The following FBXO9 variants were observed in gnomAD, a reference collection of about 807,000 sequenced individuals.
FBXO9 encodes the protein F-box protein 9.
FBXO9 carries 43 observed loss-of-function variants against 63.7 expected under a neutral mutation model. That is an observed-to-expected ratio of 0.67 (90% CI 0.53 to 0.87). The LOEUF (loss-of-function observed/expected upper bound fraction) is 0.87, where lower values mean the gene tolerates loss of function less well. Ranked by LOEUF, FBXO9 falls within the 40% of genes least tolerant of loss-of-function variation. The pLI, the probability that FBXO9 is intolerant of heterozygous loss-of-function variation, is 0.00. For missense variants in FBXO9, 442 were observed against 533.2 expected, an observed-to-expected ratio of 0.83 and a Z score of 1.68; for synonymous variants, 156 against 171.7, an observed-to-expected ratio of 0.91 and a Z score of 0.72.
intron 11 of FBXO9, 106 bp from the exon 12 acceptor site, chr6:53,095,407 G>T: frequency 1.9e-6 from 2 of 1,049,906 alleles, no homozygotes; most frequent in Non-Finnish European, 1.3e-6. Context: ...ACTCTTTACT[G>T]CATGCAAATA....
At chr6:53,078,772 C>A in intron 4 of FBXO9, 27 bp from the exon 5 acceptor site, 1 of 1,524,120 alleles carries the variant, frequency 6.6e-7, no homozygotes, top group Non-Finnish European at 9.1e-7. Context: ...GTGGTCACAG[C>A]TAATTTAGCT....
intron 1 of FBXO9, chr6:53,070,788 A>T: frequency 2.5e-6 from 1 of 405,058 alleles, no homozygotes; most frequent in South Asian, 6.7e-5. Context: ...GATGCAACTG[A>T]TGTTAAATTT....
chr6:53,098,015 G>T lies in FBXO9; in HGVS notation c.*185G>T. 6.4e-6 allele frequency: 1 copy of T among 156,308 alleles called. No homozygotes were observed. The highest frequency in any genetic ancestry group is 1.3e-5 in the Non-Finnish European group (1 of 78,780). 9.7% of individuals were successfully genotyped at this position (156,308 alleles called of 1,614,324 possible). ...TTTTAAATTGTTGGAGTTCTTTTAA[G>T]AAGAATATAAATTGATTATTTTTTT... On this transcript the variant is annotated 3_prime_UTR_variant, in exon 13 of 13. Coordinates refer to ENST00000323557, the MANE Select transcript of FBXO9 (RefSeq NM_033480.3).
At chr6:53,088,441 G>A (rs1380110609) in intron 7 of FBXO9, among the ~76,000 whole-genome samples, 1 of 152,156 alleles carries the variant, frequency 6.6e-6, no homozygotes, top group Non-Finnish European at 1.5e-5. Context: ...TAGTCAGCTG[G>A]AATCCCAGAA....
chr6:53,095,737 A>T, intron 12 of FBXO9, 73 bp downstream of exon 12: 1 of 1,385,292 alleles, frequency 7.2e-7, no homozygotes, highest in South Asian at 1.4e-5. Context: ...AGAATTTCAG[A>T]TATGTTTCTA....
At chr6:53,065,906 C>T in intron 1 of FBXO9, 114 bp downstream of exon 1, 1 of 1,199,986 alleles carries the variant, frequency 8.3e-7, no homozygotes, top group South Asian at 3.3e-5. Context: ...GTGGGAGCTT[C>T]ACGGCTGCCA....
intron 7 of FBXO9, chr6:53,091,385 T>C (rs958230563): frequency 6.6e-6 from 1 of 152,220 alleles, no homozygotes; most frequent in Non-Finnish European, 1.5e-5. Context: ...TTTTTTTTTT[T>C]TGAGACGGAG....
chr6:53,076,939 T>C (rs1236867983), intron 4 of FBXO9, among the ~76,000 whole-genome samples: 1 of 152,180 alleles, frequency 6.6e-6, no homozygotes, highest in African/African-American at 2.4e-5. Flanking sequence ...CTATATAACC[T>C]GTCTTTTTGC....
chr6:53,075,102 A>G (rs1005289242), intron 3 of FBXO9, among the ~76,000 whole-genome samples: 7 of 152,084 alleles, frequency 4.6e-5, no homozygotes, highest in Non-Finnish European at 7.4e-5. Flanking sequence ...CCTCATCAGC[A>G]TTTAGTGTTG....
chr6:53,093,798 G>GTA (rs1763119607), intron 10 of FBXO9, 87 bp from the exon 11 acceptor site: 1 of 1,088,010 alleles, frequency 9.2e-7, no homozygotes, highest in Non-Finnish European at 1.3e-6. Flanking sequence ...TCAAGCAAGA[G>GTA]TAAACACTGT....
At chr6:53,079,318 G>T (rs572075058) in intron 5 of FBXO9, among the ~76,000 whole-genome samples, 1 of 152,040 alleles carries the variant, frequency 6.6e-6, no homozygotes, top group Non-Finnish European at 1.5e-5. Flanking sequence ...GTTTCCTTAC[G>T]TATATGTTTG....
rs1351977596 is a variant in FBXO9 at position 53,081,081 on chromosome 6, G to A, written c.521G>A (p.Ser174Asn). The change falls in exon 6 of 13, where the codon AGT becomes AAT. Residue 174 changes from serine (S) to asparagine (N), a missense_variant. Ser to Asn is a conservative substitution (Grantham distance 46). Coordinates refer to ENST00000323557, the MANE Select transcript of FBXO9 (RefSeq NM_033480.3). ...CTGTGTCAGCCTGAGCTTGAGAGCAGTCAGATTCACATATCAGGTGTGAAT... is the reference window on the plus strand; with the variant it reads ...CTGTGTCAGCCTGAGCTTGAGAGCAATCAGATTCACATATCAGGTGTGAAT... ...LKLCQPELES[S>N]QIHISVLPME... The A allele has an allele frequency of 3.1e-6, 5 of 1,611,748 alleles. No homozygotes were observed. The highest frequency in any genetic ancestry group is 4.2e-6 in the Non-Finnish European group (5 of 1,179,776).
chr6:53,072,492 AGAT>A (rs914657502), intron 2 of FBXO9, among the ~76,000 whole-genome samples: 4 of 152,212 alleles, frequency 2.6e-5, no homozygotes, highest in African/African-American at 9.7e-5. Flanking sequence ...ACCCTTTCAG[AGAT>A]GACCTGAGTT....
intron 12 of FBXO9, among the ~76,000 whole-genome samples, chr6:53,095,910 C>T (rs529363202): frequency 6.6e-6 from 1 of 152,164 alleles, no homozygotes; most frequent in Non-Finnish European, 1.5e-5. Flanking sequence ...GGTACCACCA[C>T]CACTTTGGAA....
chr6:53,090,336 C>A (rs1763007597), intron 7 of FBXO9, among the ~76,000 whole-genome samples: 1 of 152,116 alleles, frequency 6.6e-6, no homozygotes, highest in African/African-American at 2.4e-5. Flanking sequence ...TTGATTTTGA[C>A]AACTTTCATA....
At chr6:53,067,183 C>T (rs1384315790) in intron 1 of FBXO9, among the ~76,000 whole-genome samples, 1 of 152,244 alleles carries the variant, frequency 6.6e-6, no homozygotes, top group East Asian at 1.9e-4. Context: ...TTATGATAAA[C>T]TTTTAATCAC....
At chr6:53,097,402 A>C (rs1033231952) in intron 12 of FBXO9, among the ~76,000 whole-genome samples, 2 of 152,164 alleles carry the variant, frequency 1.3e-5, no homozygotes, top group Non-Finnish European at 2.9e-5. Flanking sequence ...TCATCCTGCC[A>C]CTAAAAATGG....
intron 12 of FBXO9, among the ~76,000 whole-genome samples, chr6:53,097,329 A>G (rs896511313): frequency 2.4e-4 from 36 of 152,326 alleles, no homozygotes; most frequent in Admixed American, 1.0e-3. Flanking sequence ...TTTAATTGAG[A>G]AATAGTAGAC....
intron 7 of FBXO9, among the ~76,000 whole-genome samples, chr6:53,087,419 A>T (rs1474977299): frequency 2.6e-5 from 4 of 151,996 alleles, no homozygotes; most frequent in Non-Finnish European, 5.9e-5. Flanking sequence ...TGGAGGGAAA[A>T]AATTAAGAGG....
Sources: allele counts gnomAD v4.1 joint callset (sites outside exome capture counted in the v4.1 genomes callset), GRCh38; gene constraint gnomAD v4.1.1; transcripts MANE v1.5; gene names NCBI Gene and HGNC (gene_info 2026-07-23, HGNC 2026-07-21).